BCAT1: variants seen among roughly 807,000 people sequenced by gnomAD.
BCAT1 encodes branched chain amino acid transaminase 1.
BCAT1 carries 48 observed loss-of-function variants against 52.4 expected under a neutral mutation model. The ratio of observed to expected loss-of-function variants is 0.92; its 90% CI spans 0.73 to 1.16. The LOEUF is 1.16. Among genes scored for constraint, BCAT1 ranks in the 50% most tolerant of loss-of-function variants. The pLI is 0.00. For synonymous variants in BCAT1, 167 were observed against 161.3 expected (o/e 1.04, Z -0.27); for missense variants, 451 against 457.1 (o/e 0.99, Z 0.12).
chr12:24,908,234 G>A (rs555683988), intron 1 of BCAT1, among the ~76,000 whole-genome samples: 29 of 151,856 alleles, frequency 1.9e-4, no homozygotes, highest in African/African-American at 6.8e-4. Flanking sequence ...GTCTTCCCTT[G>A]TACAGTCATA....
At chr12:24,899,278 G>A (rs1332172717) in intron 2 of BCAT1, among the ~76,000 whole-genome samples, 1 of 152,202 alleles carries the variant, frequency 6.6e-6, no homozygotes, top group South Asian at 2.1e-4. Context: ...GACCCAAAAG[G>A]CCATATGAAA....
At chr12:24,941,284 C>G (rs1047979733) in intron 1 of BCAT1, among the ~76,000 whole-genome samples, 1 of 152,156 alleles carries the variant, frequency 6.6e-6, no homozygotes, top group African/African-American at 2.4e-5. Flanking sequence ...ATGAGTTTGG[C>G]AATGGGCATT....
Position 24,817,961 on chromosome 12 carries a change from C to A in BCAT1, c.*47G>T. On this transcript the variant is annotated 3_prime_UTR_variant, in exon 11 of 11. Transcript: ENST00000261192. ...CAAATGCAACAGTCTGTCCCAGTAG[C>A]ATACAGTTGGTATCCTCTATTTTCC... 1 of 1,581,270 alleles carries A rather than the reference C, an allele frequency of 6.3e-7. No individual in the cohort carries two copies. Among genetic ancestry groups the A allele is most frequent in the Non-Finnish European group, 8.7e-7 (1 of 1,151,286 alleles).
intron 6 of BCAT1, among the ~76,000 whole-genome samples, chr12:24,847,085 A>G (rs16928111): frequency 0.011 from 1,639 of 152,278 alleles, 34 homozygotes; most frequent in African/African-American, 0.037. Context: ...GGCACTTTCT[A>G]TTATCTCACT....
rs780916129 is a variant in BCAT1, at chr12:24,812,864, C to T, written c.*5144G>A. 2 of 151,908 alleles carry T rather than the reference C, an allele frequency of 1.3e-5. No individual in the cohort carries two copies. Among genetic ancestry groups the T allele is most frequent in the African/African-American group, 2.4e-5 (1 of 41,398 alleles). 9.4% of individuals were successfully genotyped at this position (151,908 alleles called of 1,614,324 possible). A position where few individuals can be genotyped will look rare whatever the true frequency, so the allele number is the denominator to read the frequency against. Reference sequence around the variant, plus strand: ...ATTTTAATTCATTCTTACACCACAGCCTACATCAATTCTTACCATCCCAAC... The same window carrying T: ...ATTTTAATTCATTCTTACACCACAGTCTACATCAATTCTTACCATCCCAAC... On this transcript the variant is annotated 3_prime_UTR_variant, in exon 11 of 11. Coordinates refer to ENST00000261192, the MANE Select transcript of BCAT1 (RefSeq NM_005504.7).
Position 24,813,947 on chromosome 12 carries a change from G to T in BCAT1, c.*4061C>A, listed in dbSNP as rs545613187. ...TAAAACTAACTTCCTAATCTCTATT[G>T]TTGGTTATGTCAACATTTATCAAAT... is the stretch of plus-strand genomic sequence containing the variant. On this transcript the variant is annotated 3_prime_UTR_variant, in exon 11 of 11. Transcript: ENST00000261192. 6.0e-4 allele frequency: 92 copies of T among 152,152 alleles called. 1 individual carries two copies. The highest frequency in any genetic ancestry group is 2.0e-3 in the African/African-American group (84 of 41,550). The allele number at this position is 152,152 out of a possible 1,614,324, so 9.4% of individuals were successfully genotyped here.
At chr12:24,881,251 T>C in intron 4 of BCAT1, 50 bp downstream of exon 4, 2 of 1,336,356 alleles carry the variant, frequency 1.5e-6, no homozygotes, top group African/African-American at 1.5e-5. Flanking sequence ...GTCAACACCG[T>C]GACCCGTTAC....
At chr12:24,828,696 G>A (rs1292225962) in intron 10 of BCAT1, among the ~76,000 whole-genome samples, 1 of 152,142 alleles carries the variant, frequency 6.6e-6, no homozygotes, top group Non-Finnish European at 1.5e-5. Context: ...CATTTTGTTA[G>A]GAAAAAATAA....
At chr12:24,889,481 T>A (rs895309688) in intron 3 of BCAT1, among the ~76,000 whole-genome samples, 1 of 152,134 alleles carries the variant, frequency 6.6e-6, no homozygotes, top group Non-Finnish European at 1.5e-5. Flanking sequence ...AGTGGAGTGC[T>A]TTTTTCCTCC....
intron 7 of BCAT1, among the ~76,000 whole-genome samples, chr12:24,836,896 AGAAAAGAAAGAG>A (rs1197865312): frequency 3.4e-4 from 20 of 59,442 alleles, no homozygotes; most frequent in Non-Finnish European, 4.9e-4. Context: ...AAAGAAAGAA[AGAAAAGAAAGAG>A]AGAAAGAAAG....
At chr12:24,862,562 C>T (rs1847701223) in intron 5 of BCAT1, among the ~76,000 whole-genome samples, 1 of 152,190 alleles carries the variant, frequency 6.6e-6, no homozygotes, top group African/African-American at 2.4e-5. Context: ...TAAGGCTCCA[C>T]CCCAAAGTGA....
At chr12:24,866,330 C>A (rs891240131) in intron 5 of BCAT1, among the ~76,000 whole-genome samples, 8 of 152,378 alleles carry the variant, frequency 5.3e-5, no homozygotes, top group Non-Finnish European at 8.8e-5. Context: ...TGCCTCCCTG[C>A]AGGGCAGGGC....
chr12:24,837,127 AGGGG>A (rs1161465791), intron 7 of BCAT1, among the ~76,000 whole-genome samples: 3 of 126,982 alleles, frequency 2.4e-5, no homozygotes, highest in Non-Finnish European at 5.2e-5. Flanking sequence ...GAAGGGAGGA[AGGGG>A]GGAGGGAAGG....
At chr12:24,936,336 G>C (rs1235772437) in intron 1 of BCAT1, among the ~76,000 whole-genome samples, 2 of 152,210 alleles carry the variant, frequency 1.3e-5, no homozygotes, top group Admixed American at 6.5e-5. Context: ...GGGTTCAAGT[G>C]ATTCTCCTGC....
chr12:24,902,766 G>A (rs1943146594), intron 1 of BCAT1: 1 of 887,250 alleles, frequency 1.1e-6, no homozygotes, highest in Non-Finnish European at 1.6e-6. Flanking sequence ...TTGCAGGCTG[G>A]GACTCCAGAT....
At chr12:24,907,389 T>A (rs534584908) in intron 1 of BCAT1, among the ~76,000 whole-genome samples, 1 of 152,356 alleles carries the variant, frequency 6.6e-6, no homozygotes, top group Admixed American at 6.5e-5. Context: ...GATGGGAAGT[T>A]CATGTCTGTC....
Position 24,815,539 on chromosome 12 carries a change from A to G in BCAT1, c.*2469T>C, listed in dbSNP as rs532776262. The G allele has an allele frequency of 6.5e-6, 1 of 152,702 alleles. No homozygotes were observed. The highest frequency in any genetic ancestry group is 1.9e-4 in the East Asian group (1 of 5,186). The allele number at this position is 152,702 out of a possible 1,614,324, so 9.5% of individuals were successfully genotyped here. ...TGTGGCACTCTTGCTGTATTAATCC[A>G]CTGCAATTAAACAAATAGTGCACAA... On this transcript the variant is annotated 3_prime_UTR_variant, in exon 11 of 11. Coordinates refer to ENST00000261192, the MANE Select transcript of BCAT1 (RefSeq NM_005504.7).
chr12:24,825,553 T>C (rs771117182), intron 10 of BCAT1, among the ~76,000 whole-genome samples: 1 of 152,124 alleles, frequency 6.6e-6, no homozygotes, highest in Non-Finnish European at 1.5e-5. Context: ...TGATAATTAG[T>C]GATGTTGCGC....
chr12:24,838,178 T>C (rs1019715078), intron 7 of BCAT1, among the ~76,000 whole-genome samples: 2 of 152,166 alleles, frequency 1.3e-5, no homozygotes, highest in Admixed American at 1.3e-4. Flanking sequence ...TCAAGCTCTA[T>C]CTGGAATACC....
Sources: allele counts gnomAD v4.1 joint callset (sites outside exome capture counted in the v4.1 genomes callset), GRCh38; gene constraint gnomAD v4.1.1; transcripts MANE v1.5; gene names NCBI Gene and HGNC (gene_info 2026-07-23, HGNC 2026-07-21).